Variants in TUBGCP2 observed in about 807,000 individuals in gnomAD.
TUBGCP2 encodes gamma-tubulin complex component 2.
In TUBGCP2, 55 loss-of-function variants were observed where a neutral mutation model predicts 92.2. That is an observed-to-expected ratio of 0.60 (90% CI 0.48 to 0.75). The LOEUF (loss-of-function observed/expected upper bound fraction) is 0.75. Ranked by LOEUF, TUBGCP2 falls within the 30% of genes least tolerant of loss-of-function variation. The pLI is 0.00. For missense variants in TUBGCP2, 1,093 were observed against 1,188.9 expected, an observed-to-expected ratio of 0.92 and a Z score of 1.19; for synonymous variants, 533 against 505.2, an observed-to-expected ratio of 1.06 and a Z score of -0.74.
chr10:133,309,674 G>T (rs1589842452), upstream of TUBGCP2: 8 of 1,398,948 alleles, frequency 5.7e-6, no homozygotes, highest in Admixed American at 6.8e-5. Context: ...TGCAAAAGAT[G>T]CATAGGGGCT....
chr10:133,284,620 C>T (rs902512869), intron 13 of TUBGCP2, among the ~76,000 whole-genome samples: 1 of 152,232 alleles, frequency 6.6e-6, no homozygotes, highest in African/African-American at 2.4e-5. Flanking sequence ...CTCAGCTTCC[C>T]AAAGTGCTGA....
upstream of TUBGCP2, chr10:133,311,981 G>A (rs1483902996): frequency 6.2e-7 from 1 of 1,609,144 alleles, no homozygotes; most frequent in East Asian, 2.2e-5. Flanking sequence ...TTCCGCCAGA[G>A]AAGAAAGTCC....
intron 3 of TUBGCP2, 51 bp downstream of exon 3, chr10:133,299,934 T>A (rs567010303): frequency 6.3e-7 from 1 of 1,598,082 alleles, no homozygotes; most frequent in African/African-American, 1.3e-5. Flanking sequence ...GCGACCCCAC[T>A]CCCAACATGG....
At chr10:133,292,010 GTCCCCCATGTCCCTCTGTGTCCCTC>G (rs1447805163) in intron 8 of TUBGCP2, among the ~76,000 whole-genome samples, 1 of 11,660 alleles carries the variant, frequency 8.6e-5, no homozygotes, top group African/African-American at 3.3e-4. Context: ...CACCCTCCGT[GTCCCCCATGTCCCTCTGTGTCCCTC>G]CGTGTCCCTC....
At chr10:133,280,121 A>G (rs948600685) in intron 17 of TUBGCP2, among the ~76,000 whole-genome samples, 2 of 152,230 alleles carry the variant, frequency 1.3e-5, no homozygotes, top group African/African-American at 4.8e-5. Context: ...GTTCAGCTAC[A>G]GAGACCATAA....
At chr10:133,306,228 G>A (rs1000442113) in intron 1 of TUBGCP2, among the ~76,000 whole-genome samples, 1 of 152,176 alleles carries the variant, frequency 6.6e-6, no homozygotes, top group Non-Finnish European at 1.5e-5. Context: ...AGCCCTGGAC[G>A]AGGCCCTGCA....
At chr10:133,282,974 A>T in intron 15 of TUBGCP2, 104 bp downstream of exon 15, 1 of 1,483,338 alleles carries the variant, frequency 6.7e-7, no homozygotes, top group East Asian at 2.4e-5. Flanking sequence ...TCCTCCACGA[A>T]CACAAGGGCA....
At position 133,298,012 on chromosome 10, in the gene TUBGCP2, C is replaced by A; in HGVS notation, c.556G>T (p.Ala186Ser). The change falls in exon 5 of 18, where the codon GCC (alanine) becomes TCC (serine). Residue 186 changes from alanine (A) to serine (S), a missense_variant. Around this residue, in one of 3 missense-constraint regions of TUBGCP2, gnomAD observed 490 missense variants for 488.5 expected, o/e 1.00. Transcript: ENST00000252936. ...IFPAWVYERP[A>S]LIGDFLIGAG... ...CCAATCAGGAAATCCCCGATCAGGG[C>A]AGGTCTCTCATACACCCATGCTGGG... 6.2e-7 allele frequency: 1 copy of A among 1,614,120 alleles called. No individual in the cohort carries two copies. Among genetic ancestry groups the A allele is most frequent in the Non-Finnish European group, 8.5e-7 (1 of 1,179,984 alleles).
At chr10:133,287,164 G>A (rs1847152764) in intron 11 of TUBGCP2, among the ~76,000 whole-genome samples, 1 of 152,206 alleles carries the variant, frequency 6.6e-6, no homozygotes, top group Admixed American at 6.5e-5. Context: ...AGAAACCCAT[G>A]AACTGTGCAC....
rs750963177 is a variant in TUBGCP2, at chr10:133,293,156, G to A, written c.907C>T (p.His303Tyr). 1.2e-6 allele frequency: 2 copies of A among 1,613,828 alleles called. No homozygotes were observed. Among genetic ancestry groups the A allele is most frequent in the African/African-American group, 1.3e-5 (1 of 74,956 alleles). ...TCCAGCTGTGACACCAGAATCAGGT[G>A]CTCCTTCACCAGGGTGCGCATGGCG... Reference protein sequence around the residue: ...AAAMRTLVKEHLILVSQLEQL... With the variant: ...AAAMRTLVKEYLILVSQLEQL... Residue 303 changes from histidine (H) to tyrosine (Y), a missense_variant, in exon 7 of 18, where the codon CAC (histidine) becomes TAC (tyrosine). Transcript: ENST00000252936.
intron 1 of TUBGCP2, among the ~76,000 whole-genome samples, chr10:133,307,111 A>G (rs1242392510): frequency 6.6e-6 from 1 of 152,222 alleles, no homozygotes; most frequent in Non-Finnish European, 1.5e-5. Flanking sequence ...TCCCACTGAA[A>G]ACACAGCTCT....
At chr10:133,290,802 C>T (rs1380376427) in intron 8 of TUBGCP2, 1 of 152,294 alleles carries the variant, frequency 6.6e-6, no homozygotes, top group African/African-American at 2.4e-5. Context: ...CAACTTCAAA[C>T]ATCATTTACG....
At chr10:133,304,828 G>A (rs1178844069) in intron 1 of TUBGCP2, among the ~76,000 whole-genome samples, 2 of 152,206 alleles carry the variant, frequency 1.3e-5, no homozygotes, top group African/African-American at 4.8e-5. Context: ...GAGCTGAGGG[G>A]ACATAGTGAG....
Position 133,285,586 on chromosome 10 carries a change from C to A in TUBGCP2, c.1765G>T (p.Val589Phe). The change falls in exon 12 of 18, where the codon GTC (valine) becomes TTC (phenylalanine). Residue 589 changes from valine to phenylalanine, a missense_variant. This residue lies in a region of TUBGCP2 where 598 missense variants were observed against 675.5 expected (regional missense o/e 0.89). Transcript: ENST00000252936. The surrounding 1 kb of genome is among the most constrained non-coding windows in gnomAD (Gnocchi z 6.8). The part of the protein sequence containing the change: ...PHDLITQLLR[V>F]LAIETKQEKA... ...TCCTGCTTGGTCTCGATGGCCAGGA[C>A]GCGCAAGAGCTGAGTGATGAGGTCA... 1.3e-6 allele frequency: 2 copies of A among 1,545,150 alleles called. No individual in the cohort carries two copies. Among genetic ancestry groups the A allele is most frequent in the Non-Finnish European group, 1.7e-6 (2 of 1,143,952 alleles).
At chr10:133,302,722 T>C in intron 2 of TUBGCP2, 70 bp downstream of exon 2, 1 of 1,591,376 alleles carries the variant, frequency 6.3e-7, no homozygotes. Flanking sequence ...AGGGGTGGGC[T>C]CACCCTGCAC....
intron 1 of TUBGCP2, among the ~76,000 whole-genome samples, chr10:133,308,123 T>C (rs1263763617): frequency 6.6e-6 from 1 of 152,210 alleles, no homozygotes; most frequent in East Asian, 1.9e-4. Flanking sequence ...AAAGCCTCTA[T>C]CCGCCACTGG....
rs764824577 is a variant in TUBGCP2 at position 133,292,650 on chromosome 10, T to A, written c.1063A>T (p.Thr355Ser). Residue 355 changes from threonine to serine, a missense_variant, in exon 8 of 18, where the codon ACG (threonine) becomes TCG (serine). Thr to Ser is a moderately conservative substitution (Grantham distance 58). Around this residue, in one of 3 missense-constraint regions of TUBGCP2, gnomAD observed 490 missense variants for 488.5 expected, o/e 1.00. Coordinates refer to ENST00000252936, the MANE Select transcript of TUBGCP2 (RefSeq NM_006659.4). ...VDKGECLGGS[T>S]LSLLHDRSFS... is the part of the protein sequence containing the mutation. ...CTCCTGTCGTGGAGCAGGCTCAGCG[T>A]GGACCCCCCAAGACATTCGCCTTTG... 1.2e-6 allele frequency: 2 copies of A among 1,613,942 alleles called. No individual in the cohort carries two copies. Among genetic ancestry groups the A allele is most frequent in the East Asian group, 4.5e-5 (2 of 44,898 alleles).
At chr10:133,297,411 A>G (rs1332425791) in intron 5 of TUBGCP2, 8 of 452,476 alleles carry the variant, frequency 1.8e-5, no homozygotes, top group African/African-American at 1.6e-4. Context: ...AGAACTAAAA[A>G]TAAATAAAAA....
Position 133,289,717 on chromosome 10 carries a change from C to CA in TUBGCP2, c.1360+106dup, listed in dbSNP as rs1162142931. 9 of 1,326,536 alleles carry CA rather than the reference C, an allele frequency of 6.8e-6. No homozygotes were observed. In the African/African-American group the frequency reaches 7.8e-5, roughly 12 times the overall value. The allele number at this position is 1,326,536 out of a possible 1,614,324, so 82.2% of individuals were successfully genotyped here. A position where few individuals can be genotyped will look rare whatever the true frequency, so the allele number is the denominator to read the frequency against. On this transcript the variant is annotated intron_variant, in intron 9 of 17. Coordinates refer to ENST00000252936, the MANE Select transcript of TUBGCP2 (RefSeq NM_006659.4). ...CATTCACGGACACCAGGGCTCAGGGCAACCACAGGGTGAGGCACAGGCTCC... is the reference window on the plus strand; with the variant it reads ...CATTCACGGACACCAGGGCTCAGGGCAAACCACAGGGTGAGGCACAGGCTCC...
Sources: allele counts gnomAD v4.1 joint callset (sites outside exome capture counted in the v4.1 genomes callset), GRCh38; gene constraint gnomAD v4.1.1; regional missense constraint gnomAD v4.1.1; non-coding constraint Gnocchi (gnomAD v3.1); transcripts MANE v1.5; gene names NCBI Gene and HGNC (gene_info 2026-07-23, HGNC 2026-07-21).